Variants in CTNNA3 observed in about 807,000 individuals in gnomAD.
CTNNA3 encodes the protein catenin alpha 3, also known as catenin alpha-3.
CTNNA3 carries 76 observed loss-of-function variants against 95.7 expected under a neutral mutation model. The observed-to-expected ratio is 0.79, with a 90% CI of 0.66 to 0.96. The LOEUF is 0.96. Ranked by LOEUF, CTNNA3 falls within the 40% of genes least tolerant of loss-of-function variation. CTNNA3 has a pLI of 0.00. For missense variants in CTNNA3, 1,191 were observed against 1,089.8 expected, an observed-to-expected ratio of 1.09 and a Z score of -1.31; for synonymous variants, 431 against 374.4, an observed-to-expected ratio of 1.15 and a Z score of -1.74.
intron 4 of CTNNA3, among the ~76,000 whole-genome samples, chr10:67,532,202 T>TGCC (rs1840349971): frequency 6.6e-6 from 1 of 152,222 alleles, no homozygotes; most frequent in Admixed American, 6.5e-5. Context: ...TTACATATTT[T>TGCC]GCCTAAGATC....
At chr10:67,599,934 G>A (rs1843034783) in intron 3 of CTNNA3, among the ~76,000 whole-genome samples, 1 of 152,004 alleles carries the variant, frequency 6.6e-6, no homozygotes, top group South Asian at 2.1e-4. Context: ...AAAATAATTT[G>A]TATTTCAATT....
chr10:67,433,063 C>G (rs1846167438), intron 5 of CTNNA3, among the ~76,000 whole-genome samples: 1 of 152,090 alleles, frequency 6.6e-6, no homozygotes, highest in Admixed American at 6.6e-5. Context: ...AGCTTTCAGC[C>G]TGTCTTAGAT....
At chr10:66,783,580 T>C (rs1840625092) in intron 7 of CTNNA3, among the ~76,000 whole-genome samples, 1 of 152,088 alleles carries the variant, frequency 6.6e-6, no homozygotes, top group South Asian at 2.1e-4. Context: ...AAAGCGTCTG[T>C]ACGAACGTGG....
At chr10:66,426,122 A>C (rs1394146954) in intron 11 of CTNNA3, among the ~76,000 whole-genome samples, 1 of 151,970 alleles carries the variant, frequency 6.6e-6, no homozygotes. Flanking sequence ...TTATTTATTA[A>C]TTCAACTGTT....
intron 17 of CTNNA3, among the ~76,000 whole-genome samples, chr10:65,937,918 C>A (rs2077368577): frequency 6.6e-6 from 1 of 152,018 alleles, no homozygotes. Flanking sequence ...GAGAAGAATG[C>A]TACCTTAATC....
At chr10:66,641,119 A>G (rs1007988169) in intron 9 of CTNNA3, among the ~76,000 whole-genome samples, 3 of 152,176 alleles carry the variant, frequency 2.0e-5, no homozygotes, top group African/African-American at 4.8e-5. Flanking sequence ...AAACTGTCAT[A>G]TAAGTGTTAA....
chr10:66,554,378 T>C (rs192233072), intron 10 of CTNNA3, among the ~76,000 whole-genome samples: 10 of 152,258 alleles, frequency 6.6e-5, no homozygotes, highest in African/African-American at 2.4e-4. Flanking sequence ...ACTCTTTAAA[T>C]CTATTATCTA....
chr10:66,603,278 G>T (rs1205009624), intron 10 of CTNNA3, among the ~76,000 whole-genome samples: 1 of 152,026 alleles, frequency 6.6e-6, no homozygotes, highest in Non-Finnish European at 1.5e-5. Flanking sequence ...AATTAATAGT[G>T]TGTCTGCAAA....
intron 3 of CTNNA3, among the ~76,000 whole-genome samples, chr10:67,570,492 C>T (rs1377667937): frequency 6.6e-6 from 1 of 152,144 alleles, no homozygotes; most frequent in Non-Finnish European, 1.5e-5. Flanking sequence ...ATAATGGCCA[C>T]TCTTGGGAAT....
At chr10:67,153,829 TTCC>T (rs1268226151) in intron 7 of CTNNA3, among the ~76,000 whole-genome samples, 4 of 152,152 alleles carry the variant, frequency 2.6e-5, no homozygotes, top group African/African-American at 9.7e-5. Flanking sequence ...TTTCAAAATG[TTCC>T]TTTTTTTCAT....
In CTNNA3 at chr10:67,069,685, G is replaced by T. The variant is rs575556388; in HGVS notation, c.1047+110632C>A. On this transcript the variant is annotated intron_variant, in intron 7 of 17. Coordinates refer to ENST00000433211, the MANE Select transcript of CTNNA3 (RefSeq NM_013266.4). ...AGTAGAATCACTCAGTATATACTCT[G>T]TTGTGTCTGAATGTTGTGTCTCACT... Among the ~76,000 whole-genome samples, 222 of 151,592 alleles carry T rather than the reference G, an allele frequency of 1.5e-3. 1 individual carries two copies. Among genetic ancestry groups the T allele is most frequent in the African/African-American group, 5.2e-3 (213 of 41,254 alleles).
chr10:67,077,287 A>T (rs921718801), intron 7 of CTNNA3, among the ~76,000 whole-genome samples: 1 of 151,950 alleles, frequency 6.6e-6, no homozygotes, highest in Non-Finnish European at 1.5e-5. Flanking sequence ...AGTTCTTATC[A>T]CTCTCGTGCT....
intron 13 of CTNNA3, among the ~76,000 whole-genome samples, chr10:66,226,744 A>G (rs1231512912): frequency 3.9e-5 from 6 of 151,904 alleles, no homozygotes; most frequent in African/African-American, 1.4e-4. Flanking sequence ...TCAATATTTT[A>G]TAATTTTCAT....
chr10:66,988,698 G>T lies in CTNNA3; in HGVS notation c.1047+191619C>A, dbSNP rs16923877. ...AACCTTTCAGAACATTCTGCAGTCT[G>T]ATTAGGTCACCTCTGAATACTAGGA... On this transcript the variant is annotated intron_variant, in intron 7 of 17. Transcript: ENST00000433211. Among the ~76,000 whole-genome samples, 3,547 of 152,236 alleles carry T rather than the reference G, an allele frequency of 0.023. 293 individuals carry two copies. In the East Asian group the frequency reaches 0.29, roughly 13 times the overall value.
chr10:66,520,242 ATTC>A (rs1285347675), intron 11 of CTNNA3, among the ~76,000 whole-genome samples: 4 of 114,616 alleles, frequency 3.5e-5, no homozygotes, highest in East Asian at 5.8e-4. Flanking sequence ...ATTTAGTATT[ATTC>A]TTTTTTTTTT....
intron 13 of CTNNA3, among the ~76,000 whole-genome samples, chr10:66,157,280 A>G (rs150325335): frequency 2.6e-5 from 4 of 152,124 alleles, no homozygotes; most frequent in Non-Finnish European, 5.9e-5. Flanking sequence ...TATATCAGTG[A>G]GAACATTTGA....
At chr10:65,942,819 G>C (rs975210545) in intron 17 of CTNNA3, among the ~76,000 whole-genome samples, 1 of 152,062 alleles carries the variant, frequency 6.6e-6, no homozygotes, top group African/African-American at 2.4e-5. Flanking sequence ...AAAAAACCTA[G>C]ATTTAAATCT....
intron 14 of CTNNA3, among the ~76,000 whole-genome samples, chr10:66,100,203 T>G (rs1342568677): frequency 2.0e-5 from 3 of 151,992 alleles, no homozygotes; most frequent in Non-Finnish European, 4.4e-5. Flanking sequence ...TTGATCCTAC[T>G]GGGGACCCTT....
intron 5 of CTNNA3, among the ~76,000 whole-genome samples, chr10:67,448,757 T>C (rs1294016520): frequency 1.3e-5 from 2 of 150,614 alleles, no homozygotes; most frequent in East Asian, 3.9e-4. Context: ...TCTTTAACTC[T>C]TTAACTCGCA....
Sources: allele counts gnomAD v4.1 joint callset (sites outside exome capture counted in the v4.1 genomes callset), GRCh38; gene constraint gnomAD v4.1.1; transcripts MANE v1.5; gene names NCBI Gene and HGNC (gene_info 2026-07-23, HGNC 2026-07-21).